LHFPL4: variants seen among roughly 807,000 people sequenced by gnomAD.
LHFPL4 encodes the protein LHFPL tetraspan subfamily member 4 protein.
LHFPL4 carries 6 observed loss-of-function variants against 20.0 expected under a neutral mutation model. The observed-to-expected ratio is 0.30, with a 90% CI of 0.16 to 0.59. The LOEUF is 0.59. Ranked by LOEUF, LHFPL4 falls within the 20% of genes least tolerant of loss-of-function variation. The probability of loss-of-function intolerance (pLI) is 0.88; values close to 1 mark genes in which losing one functional copy is unlikely to be tolerated. For synonymous variants in LHFPL4, 129 were observed against 143.8 expected, an observed-to-expected ratio of 0.90 and a Z score of 0.74; for missense variants, 215 against 331.2, an observed-to-expected ratio of 0.65 and a Z score of 2.72.
chr3:9,546,314 GA>G (rs34993981), intron 2 of LHFPL4, among the ~76,000 whole-genome samples: 23,947 of 130,692 alleles, frequency 0.18, 3,307 homozygotes, highest in East Asian at 0.4. Flanking sequence ...GACTCGGTCT[GA>G]AAAAAAAAAA....
chr3:9,525,293 G>A (rs141949552), intron 2 of LHFPL4, among the ~76,000 whole-genome samples: 19 of 152,282 alleles, frequency 1.2e-4, no homozygotes, highest in Non-Finnish European at 1.9e-4. Context: ...AGTTTTTAAT[G>A]TCTCACACTT....
chr3:9,524,165 T>C (rs908409768), intron 2 of LHFPL4, among the ~76,000 whole-genome samples: 3 of 152,066 alleles, frequency 2.0e-5, no homozygotes, highest in African/African-American at 4.8e-5. Context: ...TTATGCTTGA[T>C]TTTTTCTAGT....
chr3:9,517,112 A>G (rs2046308234), intron 2 of LHFPL4, among the ~76,000 whole-genome samples: 1 of 152,142 alleles, frequency 6.6e-6, no homozygotes, highest in Admixed American at 6.5e-5. Flanking sequence ...GCTTTATAGT[A>G]AGTCTTGGTA....
intron 2 of LHFPL4, among the ~76,000 whole-genome samples, chr3:9,521,137 ACT>A (rs1361057168): frequency 4.7e-5 from 7 of 150,012 alleles, no homozygotes; most frequent in Non-Finnish European, 1.0e-4. Context: ...TTTGGTAATG[ACT>A]CTCTTTATCC....
chr3:9,538,154 C>A (rs1399733836), intron 2 of LHFPL4, among the ~76,000 whole-genome samples: 1 of 152,192 alleles, frequency 6.6e-6, no homozygotes, highest in African/African-American at 2.4e-5. Flanking sequence ...CATCCGCCAT[C>A]CTTGGCATCT....
chr3:9,527,451 C>G (rs1051985798), intron 2 of LHFPL4, among the ~76,000 whole-genome samples: 1 of 152,010 alleles, frequency 6.6e-6, no homozygotes, highest in African/African-American at 2.4e-5. Flanking sequence ...CATCGTGGTG[C>G]ATGCCTGTAG....
intron 2 of LHFPL4, among the ~76,000 whole-genome samples, chr3:9,516,922 G>C (rs896229909): frequency 6.6e-6 from 1 of 151,540 alleles, no homozygotes; most frequent in African/African-American, 2.4e-5. Flanking sequence ...TGGGATTAGG[G>C]GAGCCCGCCA....
intron 2 of LHFPL4, among the ~76,000 whole-genome samples, chr3:9,542,838 T>C (rs2046486264): frequency 6.7e-6 from 1 of 149,498 alleles, no homozygotes; most frequent in Admixed American, 6.7e-5. Flanking sequence ...TCACATGTTA[T>C]ATGATCCCAT....
chr3:9,515,619 G>T (rs777934871), intron 2 of LHFPL4, among the ~76,000 whole-genome samples: 56 of 152,030 alleles, frequency 3.7e-4, no homozygotes, highest in African/African-American at 1.3e-3. Context: ...TGATCTGACT[G>T]CCTCGGCCTC....
rs147434924 is a variant in LHFPL4, at chr3:9,531,692, T to G, written c.406+20582A>C. On this transcript the variant is annotated intron_variant, in intron 2 of 3. Coordinates refer to ENST00000287585, the MANE Select transcript of LHFPL4 (RefSeq NM_198560.3). ...GGTGCGCACCTGTAATCACAGCTAC[T>G]TGGGAGACTGAGGCAGGAGAATTGT... Among the ~76,000 whole-genome samples the G allele has an allele frequency of 1.1e-3, 166 of 152,086 alleles. 1 individual carries two copies. Among genetic ancestry groups the G allele is most frequent in the African/African-American group, 4.0e-3 (166 of 41,486 alleles).
At position 9,547,609 on chromosome 3, in the gene LHFPL4, G is replaced by A. The variant is rs548146827; in HGVS notation, c.406+4665C>T. On this transcript the variant is annotated intron_variant, in intron 2 of 3. Transcript: ENST00000287585. ...ATTAAATGACAACGAGTGTGAAAAC[G>A]TCTAGCATAGAAGCTGGCACATTGG... is the stretch of plus-strand genomic sequence containing the variant. Among the ~76,000 whole-genome samples the A allele has an allele frequency of 4.6e-5, 7 of 152,278 alleles. No homozygotes were observed. In the South Asian group the frequency reaches 8.3e-4, roughly 18 times the overall value.
intron 2 of LHFPL4, among the ~76,000 whole-genome samples, chr3:9,516,273 A>ATAT (rs1006245039): frequency 3.3e-5 from 5 of 151,812 alleles, no homozygotes; most frequent in East Asian, 1.9e-4. Context: ...GTCTATGTCC[A>ATAT]TATTATTATT....
At chr3:9,513,284 T>C (rs940378127) in intron 2 of LHFPL4, among the ~76,000 whole-genome samples, 6 of 152,156 alleles carry the variant, frequency 3.9e-5, no homozygotes, top group Non-Finnish European at 5.9e-5. Context: ...ATATAAGAGA[T>C]AATAACCTTG....
chr3:9,512,021 C>T (rs1253141356), intron 2 of LHFPL4, among the ~76,000 whole-genome samples: 6 of 152,158 alleles, frequency 3.9e-5, no homozygotes, highest in Admixed American at 3.9e-4. Flanking sequence ...CAAGTTCCGC[C>T]TCCCAGGTTC....
At chr3:9,543,729 G>T (rs1454128796) in intron 2 of LHFPL4, among the ~76,000 whole-genome samples, 16 of 119,656 alleles carry the variant, frequency 1.3e-4, no homozygotes, top group South Asian at 8.3e-4. Context: ...TTTGGTTTTG[G>T]TTTTTTTTTT....
At chr3:9,543,276 C>T (rs1468243226) in intron 2 of LHFPL4, among the ~76,000 whole-genome samples, 9 of 151,786 alleles carry the variant, frequency 5.9e-5, no homozygotes, top group African/African-American at 1.2e-4. Context: ...CCGAGGTGGG[C>T]GGATCACGAG....
intron 2 of LHFPL4, among the ~76,000 whole-genome samples, chr3:9,516,337 A>T (rs1296076889): frequency 6.6e-6 from 1 of 152,010 alleles, no homozygotes; most frequent in Non-Finnish European, 1.5e-5. Context: ...TGTTGGAGAG[A>T]CCATCTCTTC....
chr3:9,532,346 T>C (rs535359137), intron 2 of LHFPL4, among the ~76,000 whole-genome samples: 1 of 151,896 alleles, frequency 6.6e-6, no homozygotes, highest in African/African-American at 2.4e-5. Context: ...ATTGTTATTA[T>C]TATTATACTT....
At chr3:9,505,376 C>A (rs2046210096) in intron 3 of LHFPL4, among the ~76,000 whole-genome samples, 1 of 151,994 alleles carries the variant, frequency 6.6e-6, no homozygotes, top group African/African-American at 2.4e-5. Flanking sequence ...CTCAGGTGAT[C>A]CTCCCACCTC....
Sources: allele counts gnomAD v4.1 joint callset (sites outside exome capture counted in the v4.1 genomes callset), GRCh38; gene constraint gnomAD v4.1.1; transcripts MANE v1.5; gene names NCBI Gene and HGNC (gene_info 2026-07-23, HGNC 2026-07-21).